The following CAMTA1 variants were observed in gnomAD, a reference collection of about 807,000 sequenced individuals.
CAMTA1 encodes calmodulin-binding transcription activator 1.
CAMTA1 carries 27 observed loss-of-function variants against 170.9 expected under a neutral mutation model. The ratio of observed to expected loss-of-function variants is 0.16; its 90% CI spans 0.12 to 0.22. The LOEUF is 0.22. Among genes scored for constraint, CAMTA1 ranks in the 10% least tolerant of loss-of-function variants. The pLI is 1.00. For missense variants in CAMTA1, 1,619 were observed against 2,217.2 expected (o/e 0.73, Z 5.42); for synonymous variants, 833 against 891.5 (o/e 0.93, Z 1.17).
intron 3 of CAMTA1, among the ~76,000 whole-genome samples, chr1:6,995,167 T>G (rs1697001751): frequency 6.6e-6 from 1 of 152,124 alleles, no homozygotes; most frequent in Non-Finnish European, 1.5e-5. Context: ...AACTCTTTTT[T>G]TTTCCAGATA....
intron 6 of CAMTA1, among the ~76,000 whole-genome samples, chr1:7,495,911 G>T (rs2093819243): frequency 6.6e-6 from 1 of 152,240 alleles, no homozygotes; most frequent in South Asian, 2.1e-4. Context: ...GGCACTGCCT[G>T]TTCCCAGGGT....
At chr1:7,646,314 T>TGGTGAGTTGGGTGGAGGCCAC (rs1404778998) in intron 7 of CAMTA1, among the ~76,000 whole-genome samples, 3 of 144,818 alleles carry the variant, frequency 2.1e-5, no homozygotes, top group Non-Finnish European at 3.0e-5. Context: ...GTGGAGGCCC[T>TGGTGAGTTGGGTGGAGGCCAC]GGTGAGTTGG....
intron 5 of CAMTA1, among the ~76,000 whole-genome samples, chr1:7,328,246 C>T (rs147806093): frequency 0.018 from 2,734 of 152,254 alleles, 72 homozygotes; most frequent in African/African-American, 0.061. Flanking sequence ...CCTGTAATCC[C>T]AGCACTTTGG....
At chr1:7,307,206 C>T (rs1391107489) in intron 5 of CAMTA1, among the ~76,000 whole-genome samples, 1 of 151,930 alleles carries the variant, frequency 6.6e-6, no homozygotes, top group Non-Finnish European at 1.5e-5. Flanking sequence ...CATTTTTGAG[C>T]TATTTTAAAT....
chr1:7,623,163 C>T (rs116521687), intron 6 of CAMTA1, among the ~76,000 whole-genome samples: 1,655 of 152,268 alleles, frequency 0.011, 32 homozygotes, highest in African/African-American at 0.038. Context: ...GTTTATAGCT[C>T]GTCTCTTCCA....
intron 12 of CAMTA1, among the ~76,000 whole-genome samples, chr1:7,733,629 A>AAGGAACTG (rs2149945473): frequency 6.6e-6 from 1 of 152,222 alleles, no homozygotes; most frequent in African/African-American, 2.4e-5. Context: ...GATAAATTTA[A>AAGGAACTG]AGGAACTGAT....
intron 7 of CAMTA1, among the ~76,000 whole-genome samples, chr1:7,654,804 CACCCACACACACCA>C (rs1361028159): frequency 3.2e-4 from 7 of 22,024 alleles, no homozygotes; most frequent in African/African-American, 4.9e-4. Context: ...CCTATACACA[CACCCACACACACCA>C]CACACACCCC....
chr1:6,847,751 T>C (rs1268594434), intron 3 of CAMTA1, among the ~76,000 whole-genome samples: 2 of 151,372 alleles, frequency 1.3e-5, no homozygotes, highest in South Asian at 2.1e-4. Context: ...TCACCCAGGC[T>C]GGAGTACAGT....
At position 7,310,647 on chromosome 1, in the gene CAMTA1, T is replaced by TTCTTTCTTTC. The variant is rs1553129423; in HGVS notation, c.438+61022_438+61023insCTTTCTTTCT. 7.1e-4 allele frequency among the ~76,000 whole-genome samples: 35 copies of TTCTTTCTTTC among 49,180 alleles called. 3 individuals carry two copies. Among genetic ancestry groups the TTCTTTCTTTC allele is most frequent in the African/African-American group, 2.7e-3 (34 of 12,578 alleles). The allele number at this position is 49,180 out of a possible 152,430, so 32.3% of individuals were successfully genotyped here. ...TTCTTTCTTTCTTTCTTTCTTTCTT[T>TTCTTTCTTTC]TTTCTTTCTTTCTTTCTTTCTTTCC... On this transcript the variant is annotated intron_variant, in intron 5 of 22. Transcript: ENST00000303635.
intron 3 of CAMTA1, among the ~76,000 whole-genome samples, chr1:7,005,053 T>C (rs111248663): frequency 0.012 from 1,884 of 152,378 alleles, 19 homozygotes; most frequent in East Asian, 0.035. Context: ...ATTACAGGTA[T>C]GAACCACCAT....
intron 6 of CAMTA1, among the ~76,000 whole-genome samples, chr1:7,476,639 G>A (rs2093424003): frequency 6.6e-6 from 1 of 152,168 alleles, no homozygotes; most frequent in African/African-American, 2.4e-5. Flanking sequence ...GTGCCAGCCA[G>A]GTGATCTGGA....
intron 8 of CAMTA1, 35 bp from the exon 9 acceptor site, chr1:7,663,318 G>A (rs372622841): frequency 1.1e-5 from 17 of 1,514,422 alleles, no homozygotes; most frequent in East Asian, 6.8e-5. Flanking sequence ...GTGTGCCTGC[G>A]TGTGCGTGCG....
Position 7,116,814 on chromosome 1 carries a change from A to AT in CAMTA1, c.302+25454dup, listed in dbSNP as rs1162895812. 8.0e-3 allele frequency among the ~76,000 whole-genome samples: 1,145 copies of AT among 142,822 alleles called. 13 individuals are homozygous for AT. Among genetic ancestry groups the AT allele is most frequent in the African/African-American group, 0.026 (1,002 of 38,888 alleles). The allele number at this position is 142,822 out of a possible 152,430, so 93.7% of individuals were successfully genotyped here. ...AGGCGCCTGCCACCACGCCTGGCTA[A>AT]TTTTTTTTTTTGTATTTTTAGTAGA... On this transcript the variant is annotated intron_variant, in intron 4 of 22. Coordinates refer to ENST00000303635, the MANE Select transcript of CAMTA1 (RefSeq NM_015215.4).
intron 8 of CAMTA1, among the ~76,000 whole-genome samples, chr1:7,662,154 G>A (rs917962247): frequency 3.3e-5 from 5 of 152,224 alleles, no homozygotes; most frequent in South Asian, 2.1e-4. Flanking sequence ...TTGGGGAAGC[G>A]AGGAGCTCTG....
chr1:7,577,712 T>C (rs1040663134), intron 6 of CAMTA1, among the ~76,000 whole-genome samples: 3 of 152,216 alleles, frequency 2.0e-5, no homozygotes, highest in African/African-American at 4.8e-5. Flanking sequence ...GCCAATTTTT[T>C]CTTAAATGGT....
chr1:7,011,174 A>C (rs986803401), intron 3 of CAMTA1, among the ~76,000 whole-genome samples: 21 of 152,298 alleles, frequency 1.4e-4, no homozygotes, highest in African/African-American at 5.1e-4. Flanking sequence ...AGGGTGATTC[A>C]GTGTTCCAGT....
At chr1:6,879,799 T>G (rs928903677) in intron 3 of CAMTA1, among the ~76,000 whole-genome samples, 4 of 150,780 alleles carry the variant, frequency 2.7e-5, no homozygotes, top group African/African-American at 9.7e-5. Flanking sequence ...TTTTTTTTTT[T>G]TTTTTTGGCT....
intron 5 of CAMTA1, among the ~76,000 whole-genome samples, chr1:7,362,500 T>C (rs1428021208): frequency 6.6e-6 from 1 of 152,100 alleles, no homozygotes. Flanking sequence ...TTAATAGAGT[T>C]GGTAGACTTG....
intron 5 of CAMTA1, among the ~76,000 whole-genome samples, chr1:7,375,542 T>G (rs913055616): frequency 9.2e-5 from 14 of 152,278 alleles, no homozygotes; most frequent in Non-Finnish European, 1.9e-4. Flanking sequence ...ATGCCAGCCC[T>G]GGGACCAACA....
Sources: allele counts gnomAD v4.1 joint callset (sites outside exome capture counted in the v4.1 genomes callset), GRCh38; gene constraint gnomAD v4.1.1; transcripts MANE v1.5; gene names NCBI Gene and HGNC (gene_info 2026-07-23, HGNC 2026-07-21).